Variants in LINGO3 observed in about 807,000 individuals in gnomAD.
LINGO3 encodes the protein leucine-rich repeat and immunoglobulin-like domain-containing nogo receptor-interacting protein 3.
For synonymous variants in LINGO3, 427 were observed against 444.2 expected, an observed-to-expected ratio of 0.96 and a Z score of 0.49; for missense variants, 750 against 867.7, an observed-to-expected ratio of 0.86 and a Z score of 1.70.
the LINGO3 span, among the ~76,000 whole-genome samples, chr19:2,303,033 C>T: frequency 9.2e-5 from 14 of 152,362 alleles, no homozygotes; most frequent in East Asian, 2.3e-3. Context: ...TTCCATTCAA[C>T]GCCTTCTAGC....
At chr19:2,295,406 G>C (rs2025563793), upstream of LINGO3, among the ~76,000 whole-genome samples, 1 of 152,134 alleles carries the variant, frequency 6.6e-6, no homozygotes, top group Non-Finnish European at 1.5e-5. Context: ...GGACCTGCTT[G>C]AGCTTCGACT....
chr19:2,302,781 G>C, the LINGO3 span, among the ~76,000 whole-genome samples: 1 of 152,262 alleles, frequency 6.6e-6, no homozygotes, highest in Non-Finnish European at 1.5e-5. Context: ...TTGGCAGGGG[G>C]GCCGGGCCGG....
chr19:2,305,007 C>T, the LINGO3 span, among the ~76,000 whole-genome samples: 1 of 152,194 alleles, frequency 6.6e-6, no homozygotes, highest in Non-Finnish European at 1.5e-5. Context: ...CCACACCCAG[C>T]CTCATGCCCT....
exon 1 of LINGO3, chr19:2,291,143 A>C: frequency 6.2e-7 from 1 of 1,607,328 alleles, no homozygotes; most frequent in Non-Finnish European, 8.5e-7. Context: ...TCCTCCAGGG[A>C]GGCGATGGCC....
At chr19:2,305,742 C>T in the LINGO3 span, among the ~76,000 whole-genome samples, 1 of 152,162 alleles carries the variant, frequency 6.6e-6, no homozygotes, top group African/African-American at 2.4e-5. Context: ...CCTCCCTCTG[C>T]CCCCCACCAC....
At chr19:2,289,714 A>C, downstream of LINGO3, 12 of 306,434 alleles carry the variant, frequency 3.9e-5, no homozygotes, top group East Asian at 6.5e-5. Flanking sequence ...GGTAGACGGG[A>C]GCCCATCCCC....
chr19:2,299,729 T>TG, the LINGO3 span, among the ~76,000 whole-genome samples: 1 of 145,354 alleles, frequency 6.9e-6, no homozygotes, highest in East Asian at 2.0e-4. Context: ...CTGCCTTTTT[T>TG]TTTTTTTTTT....
chr19:2,304,710 CTTTTTTTT>C, the LINGO3 span, among the ~76,000 whole-genome samples: 32 of 73,256 alleles, frequency 4.4e-4, no homozygotes, highest in Middle Eastern at 0.02. Context: ...CCATGTCCTG[CTTTTTTTT>C]TTTTTTTTTT....
chr19:2,297,079 G>C, the LINGO3 span, among the ~76,000 whole-genome samples: 4 of 151,304 alleles, frequency 2.6e-5, no homozygotes, highest in East Asian at 4.1e-4. Context: ...GCGACAGAGC[G>C]AGACTCCGTC....
chr19:2,289,155 G>A (rs1404100399), downstream of LINGO3, among the ~76,000 whole-genome samples: 1 of 151,076 alleles, frequency 6.6e-6, no homozygotes, highest in Non-Finnish European at 1.5e-5. Context: ...TATGAGCTGT[G>A]TGTCCCGGGT....
the LINGO3 span, among the ~76,000 whole-genome samples, chr19:2,300,761 C>T: frequency 1.3e-5 from 2 of 152,168 alleles, no homozygotes; most frequent in Non-Finnish European, 2.9e-5. Context: ...GGCTCCAGTT[C>T]GCCCCCAACA....
At chr19:2,301,235 G>C in the LINGO3 span, among the ~76,000 whole-genome samples, 2 of 152,080 alleles carry the variant, frequency 1.3e-5, no homozygotes, top group African/African-American at 2.4e-5. Context: ...CTGGTGTCTG[G>C]TGTGAGCAGG....
the LINGO3 span, among the ~76,000 whole-genome samples, chr19:2,306,465 G>A: frequency 6.6e-5 from 10 of 152,166 alleles, no homozygotes; most frequent in African/African-American, 2.4e-4. Flanking sequence ...CAGTGCTGTG[G>A]GAAGAGACAT....
chr19:2,296,816 T>C (rs909515364), upstream of LINGO3, among the ~76,000 whole-genome samples: 81 of 147,590 alleles, frequency 5.5e-4, no homozygotes, highest in African/African-American at 1.5e-3. Context: ...AGGCCGGGCA[T>C]GGTGGCTCAC....
rs8111892 is a variant in LINGO3 at position 2,290,871 on chromosome 19, G to A, written c.906C>T (p.Ala302=). 1 of 1,611,060 alleles carries A rather than the reference G, an allele frequency of 6.2e-7. No individual in the cohort carries two copies. The change falls in exon 1 of 1, where the codon GCC becomes GCT. Residue 302 remains alanine (A), a synonymous_variant. Transcript: ENST00000585527. This position sits in a 1 kb window ranked among gnomAD's most constrained non-coding sequence, Gnocchi z 6.0. The stretch of plus-strand genomic sequence containing the variant: ...GCTCCACCACAGCCAGCAGGGCCCC[G>A]GCCAGGTGCAGCTCGCGCAGGCGGA...
chr19:2,291,573 G>A lies in LINGO3; in HGVS notation c.204C>T (p.Cys68=), dbSNP rs562191489. Residue 68 remains cysteine (C), a synonymous_variant, in exon 1 of 1, where the codon TGC becomes TGT. Coordinates refer to ENST00000585527, the Ensembl canonical transcript of LINGO3. ...GCGCGGCCAGGTCGCCCGGGTTCAG[G>A]CAGCGGATGCGGTTGCGGCTGAGCT... is the stretch of plus-strand genomic sequence containing the variant. The A allele has an allele frequency of 1.0e-5, 16 of 1,572,888 alleles. No individual in the cohort carries two copies. The South Asian group carries it at 1.8e-4, about 18-fold the overall frequency.
chr19:2,296,332 A>G (rs2025571485), upstream of LINGO3, among the ~76,000 whole-genome samples: 1 of 151,824 alleles, frequency 6.6e-6, no homozygotes, highest in Admixed American at 6.6e-5. Flanking sequence ...CCCAGCCCAC[A>G]GGCCGGGCGC....
At chr19:2,299,844 C>G in the LINGO3 span, among the ~76,000 whole-genome samples, 28 of 150,996 alleles carry the variant, frequency 1.9e-4, 1 homozygote, top group South Asian at 5.9e-3. Flanking sequence ...CTGCCTCAGC[C>G]TACCAAGTAG....
downstream of LINGO3, among the ~76,000 whole-genome samples, chr19:2,288,737 C>G (rs2025488116): frequency 6.6e-6 from 1 of 152,188 alleles, no homozygotes; most frequent in Non-Finnish European, 1.5e-5. This position sits in a 1 kb window ranked among gnomAD's most constrained non-coding sequence, Gnocchi z 6.5. Flanking sequence ...GGGTCCTCAG[C>G]AAGACCTGAG....
Sources: gnomAD v4.1 joint callset for allele counts (sites outside exome capture counted in the v4.1 genomes callset) on GRCh38, gnomAD v4.1.1 for gene constraint, Gnocchi (gnomAD v3.1) non-coding constraint, MANE v1.5 for transcripts, NCBI Gene and HGNC (gene_info 2026-07-23, HGNC 2026-07-21) for gene names.